Variants in RABGGTB observed in about 807,000 individuals in gnomAD.
RABGGTB encodes the protein geranylgeranyl transferase type-2 subunit beta.
A neutral mutation model predicts 44.5 loss-of-function variants in RABGGTB; 20 were observed. The ratio of observed to expected loss-of-function variants is 0.45; its 90% CI spans 0.32 to 0.65. The LOEUF (loss-of-function observed/expected upper bound fraction) is 0.65, where lower values mean the gene tolerates loss of function less well. Ranked by LOEUF, RABGGTB falls within the 30% of genes least tolerant of loss-of-function variation. The probability of loss-of-function intolerance (pLI) is 0.05; values close to 1 mark genes in which losing one functional copy is unlikely to be tolerated. For missense variants in RABGGTB, 302 were observed against 398.7 expected, an observed-to-expected ratio of 0.76 and a Z score of 2.06; for synonymous variants, 128 against 136.7, an observed-to-expected ratio of 0.94 and a Z score of 0.44.
chr1:75,787,549 T>A lies in RABGGTB; in HGVS notation c.56T>A (p.Leu19Ter). The A allele has an allele frequency of 1.2e-6, 2 of 1,614,104 alleles. No homozygotes were observed. The highest frequency in any genetic ancestry group is 1.7e-6 in the Non-Finnish European group (2 of 1,179,972). Residue 19 changes from leucine (L) to a stop codon, truncating the protein, a stop_gained, in exon 2 of 9, where the codon TTA becomes TAA. Coordinates refer to ENST00000319942, the MANE Select transcript of RABGGTB (RefSeq NM_004582.4). LOFTEE classifies it high-confidence loss of function. ...IIKSDAPDTL[L>*]LEKHADYIAS... ...AAGTCAGATGCACCGGACACTTTGT[T>A]ATTGGAGAAACATGCAGATTATATC...
intron 1 of RABGGTB, chr1:75,787,237 T>G (rs1649516345): frequency 4.7e-6 from 3 of 632,244 alleles, no homozygotes; most frequent in South Asian, 4.6e-5. Flanking sequence ...TGTTGTTGTT[T>G]TGGTTTTGTT....
At position 75,794,202 on chromosome 1, in the gene RABGGTB, CGGG is replaced by C. The variant is rs757854818; in HGVS notation, c.828_830del (p.Gly277del). On this transcript the variant is annotated inframe_deletion, in exon 8 of 9. Transcript: ENST00000319942. ...ATTTTAGCATGTCAAGATGAAGAAACGGGGGGATTTGCAGACAGGCCAGGAGAT... is the reference window on the plus strand; with the variant it reads ...ATTTTAGCATGTCAAGATGAAGAAACGGGATTTGCAGACAGGCCAGGAGAT... 6.2e-6 allele frequency: 10 copies of C among 1,612,884 alleles called. No individual in the cohort carries two copies. Among genetic ancestry groups the C allele is most frequent in the Middle Eastern group, 1.6e-4 (1 of 6,076 alleles).
intron 1 of RABGGTB, 49 bp downstream of exon 1, chr1:75,786,323 G>A: frequency 1.2e-6 from 2 of 1,609,400 alleles, no homozygotes; most frequent in Non-Finnish European, 1.7e-6. Flanking sequence ...TAGCAGACAG[G>A]GTGGAGTAGG....
Position 75,789,878 on chromosome 1 carries a change from T to G in RABGGTB, c.310-74T>G, listed in dbSNP as rs568554180. On this transcript the variant is annotated intron_variant, in intron 3 of 8. Coordinates refer to ENST00000319942, the MANE Select transcript of RABGGTB (RefSeq NM_004582.4). ...AGACAAAAGGATGTGCTTGACAACT[T>G]AAAAAGAGTTGAGCATAAGATCATT... 16 of 1,133,358 alleles carry G rather than the reference T, an allele frequency of 1.4e-5. No individual in the cohort carries two copies. The Admixed American group carries it at 3.3e-4, about 23-fold the overall frequency. 70.2% of individuals were successfully genotyped at this position (1,133,358 alleles called of 1,614,324 possible).
At chr1:75,789,861 G>T in intron 3 of RABGGTB, 91 bp from the exon 4 acceptor site, 1 of 921,900 alleles carries the variant, frequency 1.1e-6, no homozygotes, top group East Asian at 2.4e-5. Context: ...AGAGACAAAA[G>T]GATGTGCTTG....
At chr1:75,790,627 T>C (rs1649623948) in intron 4 of RABGGTB, 2 of 414,564 alleles carry the variant, frequency 4.8e-6, no homozygotes, top group African/African-American at 4.3e-5. Flanking sequence ...TAAGATAATT[T>C]GCTGTTACTT....
chr1:75,793,192 G>A (rs1649688918), intron 7 of RABGGTB, among the ~76,000 whole-genome samples: 1 of 152,108 alleles, frequency 6.6e-6, no homozygotes, highest in Non-Finnish European at 1.5e-5. Flanking sequence ...AGCTTGCTGT[G>A]CCCCTGCCCT....
In RABGGTB at chr1:75,787,580, C is replaced by G; in HGVS notation, c.87C>G (p.Ser29=). 4 of 1,612,616 alleles carry G rather than the reference C, an allele frequency of 2.5e-6. No homozygotes were observed. Among genetic ancestry groups the G allele is most frequent in the Non-Finnish European group, 3.4e-6 (4 of 1,178,704 alleles). Residue 29 remains serine (S), a synonymous_variant, in exon 2 of 9, where the codon TCC becomes TCG. Coordinates refer to ENST00000319942, the MANE Select transcript of RABGGTB (RefSeq NM_004582.4). ...AGAAACATGCAGATTATATCGCATC[C>G]TATGGCTCAAAGAAAGATGATTATG... The part of the protein sequence containing the change: ...LLEKHADYIA[S]YGSKKDDYEY...
At chr1:75,790,232 A>T in intron 4 of RABGGTB, 175 bp downstream of exon 4, 1 of 1,350,074 alleles carries the variant, frequency 7.4e-7, no homozygotes, top group Non-Finnish European at 9.5e-7. Context: ...ATATCAGCAT[A>T]TACAGGAGCA....
rs202140779 is a variant in RABGGTB at position 75,794,061 on chromosome 1, G to T, written c.706-23G>T. 1.9e-4 allele frequency: 288 copies of T among 1,548,470 alleles called. No homozygotes were observed. In the African/African-American group the frequency reaches 3.7e-3, roughly 20 times the overall value. Reference sequence around the variant, plus strand: ...TAGGGAAATAAAAGAGAATGAAATTGTGGCAACTTTTTTCCCTCCTAGTTA... The same window carrying T: ...TAGGGAAATAAAAGAGAATGAAATTTTGGCAACTTTTTTCCCTCCTAGTTA... On this transcript the variant is annotated intron_variant, in intron 7 of 8. Coordinates refer to ENST00000319942, the MANE Select transcript of RABGGTB (RefSeq NM_004582.4).
chr1:75,793,338 C>T (rs71656851), intron 7 of RABGGTB: 6,161 of 152,194 alleles, frequency 0.04, 144 homozygotes, highest in African/African-American at 0.043. Context: ...CTCAGGTGAT[C>T]TACCCGCCTC....
chr1:75,787,964 T>C (rs766621241), intron 2 of RABGGTB: 12 of 528,816 alleles, frequency 2.3e-5, no homozygotes, highest in Non-Finnish European at 1.5e-5. Context: ...AGAATTACTC[T>C]GAGACCTTGA....
chr1:75,794,970 A>G lies in RABGGTB; in HGVS notation c.*320A>G, dbSNP rs17097543. 0.015 allele frequency: 3,360 copies of G among 227,942 alleles called. 119 individuals are homozygous for G. The highest frequency in any genetic ancestry group is 0.074 in the African/African-American group (3,168 of 42,656). The allele number at this position is 227,942 out of a possible 1,614,324, so 14.1% of individuals were successfully genotyped here. A position where few individuals can be genotyped will look rare whatever the true frequency, so the allele number is the denominator to read the frequency against. On this transcript the variant is annotated 3_prime_UTR_variant, in exon 9 of 9. Transcript: ENST00000319942. ...CCCATGTATACCTTTCATCTGTTCT[A>G]TAGCAAGTTGATGTAAATTGGTTTG...
intron 4 of RABGGTB, chr1:75,790,525 T>TATA (rs1649621046): frequency 1.0e-6 from 1 of 982,946 alleles, no homozygotes; most frequent in African/African-American, 1.7e-5. Context: ...AGGGTAAGTT[T>TATA]ATTTCATTAT....
intron 7 of RABGGTB, among the ~76,000 whole-genome samples, chr1:75,792,895 C>T (rs1229562296): frequency 6.6e-5 from 10 of 152,168 alleles, no homozygotes; most frequent in African/African-American, 2.4e-4. Flanking sequence ...GTGACGCCAT[C>T]TTGATTCACT....
At chr1:75,792,392 T>A in intron 7 of RABGGTB, 86 bp downstream of exon 7, 7 of 1,548,948 alleles carry the variant, frequency 4.5e-6, no homozygotes, top group Non-Finnish European at 6.2e-6. Context: ...ATATTGTAAA[T>A]TGGCCATGAG....
intron 4 of RABGGTB, chr1:75,790,502 A>C (rs1649620319): frequency 9.9e-7 from 1 of 1,014,588 alleles, no homozygotes; most frequent in African/African-American, 1.7e-5. Context: ...TGAAAAATCT[A>C]CTTTTATAAA....
chr1:75,791,103 T>G (rs1159992396), intron 4 of RABGGTB, among the ~76,000 whole-genome samples, 182 bp from the exon 5 acceptor site: 1 of 152,186 alleles, frequency 6.6e-6, no homozygotes, highest in Non-Finnish European at 1.5e-5. Flanking sequence ...TTGCTGTTAT[T>G]TTTGACAAAG....
intron 8 of RABGGTB, 80 bp from the exon 9 acceptor site, chr1:75,794,430 T>C (rs1649720455): frequency 4.9e-6 from 7 of 1,428,364 alleles, no homozygotes; most frequent in Non-Finnish European, 6.7e-6. Flanking sequence ...AATTAGTATA[T>C]GGTAAAGGTC....
Sources: gnomAD v4.1 joint callset for allele counts (sites outside exome capture counted in the v4.1 genomes callset) on GRCh38, gnomAD v4.1.1 for gene constraint, MANE v1.5 for transcripts, NCBI Gene and HGNC (gene_info 2026-07-23, HGNC 2026-07-21) for gene names.